Variants in ERC2 observed in about 807,000 individuals in gnomAD.
ERC2 encodes ERC protein 2.
ERC2 carries 42 observed loss-of-function variants against 114.8 expected under a neutral mutation model. That is an observed-to-expected ratio of 0.37 (90% confidence interval 0.29 to 0.47). The LOEUF (loss-of-function observed/expected upper bound fraction) is 0.47. ERC2 is among the 20% of genes least tolerant of loss of function. The pLI, the probability that ERC2 is intolerant of heterozygous loss-of-function variation, is 0.99. For synonymous variants in ERC2, 454 were observed against 425.5 expected, an observed-to-expected ratio of 1.07 and a Z score of -0.82; for missense variants, 939 against 1,150.7, an observed-to-expected ratio of 0.82 and a Z score of 2.66.
At position 56,392,560 on chromosome 3, in the gene ERC2, A is replaced by G. The variant is rs147741085; in HGVS notation, c.657+41791T>C. Among the ~76,000 whole-genome samples, 284 of 151,866 alleles carry G rather than the reference A, an allele frequency of 1.9e-3. 1 individual carries two copies. The highest frequency in any genetic ancestry group is 6.5e-3 in the African/African-American group (267 of 41,394). On this transcript the variant is annotated intron_variant, in intron 2 of 17. Coordinates refer to ENST00000288221, the MANE Select transcript of ERC2 (RefSeq NM_015576.3). ...GTACTGGAACTCATTAACTCTATCT[A>G]CTCCCTCCTTTGACCATTATACTAG...
chr3:55,958,424 G>T (rs1369832994), intron 12 of ERC2, among the ~76,000 whole-genome samples: 2 of 152,182 alleles, frequency 1.3e-5, no homozygotes, highest in African/African-American at 4.8e-5. Context: ...TTCTCACTCT[G>T]GGCTTCAGAC....
At position 55,760,491 on chromosome 3, in the gene ERC2, T is replaced by C. The variant is rs566732175; in HGVS notation, c.2565-25573A>G. Reference sequence around the variant, plus strand: ...AATAGACTAAGTAGTAAAAATTAGTTACATATTCCAGTTGCTGTTTAATGC... The same window carrying C: ...AATAGACTAAGTAGTAAAAATTAGTCACATATTCCAGTTGCTGTTTAATGC... On this transcript the variant is annotated intron_variant, in intron 14 of 17. Transcript: ENST00000288221. Among the ~76,000 whole-genome samples the C allele has an allele frequency of 1.3e-3, 204 of 152,344 alleles. No individual in the cohort carries two copies. The Middle Eastern group carries it at 0.017, about 13-fold the overall frequency.
At chr3:55,691,986 T>C (rs1378969380) in intron 16 of ERC2, among the ~76,000 whole-genome samples, 2 of 152,158 alleles carry the variant, frequency 1.3e-5, no homozygotes, top group Non-Finnish European at 2.9e-5. Context: ...GGATGCTATG[T>C]ATACATTTAT....
rs146423505 is a variant in ERC2, at chr3:56,038,526, G to A, written c.1642-19495C>T. ...CAACCATTGTGGAGGACAGTGTGGT[G>A]ATTCCTCAAAGACCTAGAACCAGAA... On this transcript the variant is annotated intron_variant, in intron 7 of 17. Transcript: ENST00000288221. Among the ~76,000 whole-genome samples, 1,251 of 152,270 alleles carry A rather than the reference G, an allele frequency of 8.2e-3. 9 individuals carry two copies. The highest frequency in any genetic ancestry group is 0.028 in the African/African-American group (1,181 of 41,540).
chr3:56,424,581 C>A (rs138394048), intron 2 of ERC2, among the ~76,000 whole-genome samples: 1 of 152,308 alleles, frequency 6.6e-6, no homozygotes, highest in Non-Finnish European at 1.5e-5. Flanking sequence ...TTCTAGCAAA[C>A]AAAGAAACCA....
At chr3:56,088,204 T>TCTG (rs1467192485) in intron 6 of ERC2, among the ~76,000 whole-genome samples, 1 of 152,172 alleles carries the variant, frequency 6.6e-6, no homozygotes, top group African/African-American at 2.4e-5. Flanking sequence ...GATCCTCAAG[T>TCTG]GACTGTGAGA....
rs144737225 is a variant in ERC2, at chr3:56,270,903, A to C, written c.1074+25116T>G. Among the ~76,000 whole-genome samples, 791 of 152,246 alleles carry C rather than the reference A, an allele frequency of 5.2e-3. 4 individuals carry two copies. Among genetic ancestry groups the C allele is most frequent in the African/African-American group, 0.018 (756 of 41,528 alleles). ...AGGCTGAGGCAGAAGAATGGCATGAACCCAGAAGGCAGAGCTTGCAGCGAG... is the reference window on the plus strand; with the variant it reads ...AGGCTGAGGCAGAAGAATGGCATGACCCCAGAAGGCAGAGCTTGCAGCGAG... On this transcript the variant is annotated intron_variant, in intron 3 of 17. Coordinates refer to ENST00000288221, the MANE Select transcript of ERC2 (RefSeq NM_015576.3).
chr3:55,550,631 A>C (rs2055100029), intron 17 of ERC2, among the ~76,000 whole-genome samples: 1 of 152,194 alleles, frequency 6.6e-6, no homozygotes, highest in East Asian at 1.9e-4. Context: ...TGAGATGGTC[A>C]GTGGCTTGTC....
intron 17 of ERC2, among the ~76,000 whole-genome samples, chr3:55,653,295 A>G (rs1342338516): frequency 3.3e-5 from 5 of 152,180 alleles, no homozygotes; most frequent in Non-Finnish European, 7.3e-5. Context: ...GTTCACTTTA[A>G]TTCTATTGCA....
At chr3:56,412,498 A>G (rs2060979333) in intron 2 of ERC2, among the ~76,000 whole-genome samples, 1 of 152,256 alleles carries the variant, frequency 6.6e-6, no homozygotes, top group Non-Finnish European at 1.5e-5. Flanking sequence ...TGTCAAGCAC[A>G]CAAGGGGTTT....
intron 14 of ERC2, among the ~76,000 whole-genome samples, chr3:55,777,481 G>A (rs931605161): frequency 4.6e-5 from 7 of 152,200 alleles, no homozygotes; most frequent in South Asian, 2.1e-4. Flanking sequence ...GTGGGCTGGC[G>A]GAAGGAGGGA....
chr3:56,249,388 CA>C (rs1240058220), intron 3 of ERC2, among the ~76,000 whole-genome samples: 1 of 151,882 alleles, frequency 6.6e-6, no homozygotes, highest in East Asian at 1.9e-4. Context: ...TGCAGTGGTG[CA>C]ATCTCAGCTC....
At chr3:56,273,603 GTAT>G (rs200418280) in intron 3 of ERC2, among the ~76,000 whole-genome samples, 83 of 128,464 alleles carry the variant, frequency 6.5e-4, no homozygotes, top group African/African-American at 2.1e-3. Flanking sequence ...CAAACAAACT[GTAT>G]TTTTTTTCTT....
intron 17 of ERC2, among the ~76,000 whole-genome samples, chr3:55,536,851 C>T (rs745856501): frequency 6.6e-6 from 1 of 152,184 alleles, no homozygotes; most frequent in South Asian, 2.1e-4. Flanking sequence ...CCCCGTCCTA[C>T]AGGAAGGGAC....
intron 14 of ERC2, among the ~76,000 whole-genome samples, chr3:55,843,516 G>T (rs565307146): frequency 4.6e-5 from 7 of 152,204 alleles, no homozygotes; most frequent in African/African-American, 9.6e-5. Flanking sequence ...ACCACCCAAT[G>T]GTGCAAGTTC....
intron 17 of ERC2, among the ~76,000 whole-genome samples, chr3:55,545,368 C>T (rs950088418): frequency 1.3e-5 from 2 of 152,186 alleles, no homozygotes; most frequent in South Asian, 2.1e-4. Flanking sequence ...TGGTAAGAAG[C>T]AGTGAGCCAC....
intron 6 of ERC2, among the ~76,000 whole-genome samples, chr3:56,095,629 A>T (rs1163612616): frequency 6.6e-6 from 1 of 152,230 alleles, no homozygotes; most frequent in Non-Finnish European, 1.5e-5. Flanking sequence ...GATTAAATGA[A>T]CACATTTGTC....
At chr3:55,601,192 T>C (rs1300653739) in intron 17 of ERC2, among the ~76,000 whole-genome samples, 2 of 152,168 alleles carry the variant, frequency 1.3e-5, no homozygotes, top group Non-Finnish European at 2.9e-5. Context: ...TCATCTGTTT[T>C]TTTCCAAAAA....
intron 2 of ERC2, among the ~76,000 whole-genome samples, chr3:56,380,661 T>C (rs2059714404): frequency 6.6e-6 from 1 of 152,186 alleles, no homozygotes; most frequent in Non-Finnish European, 1.5e-5. Context: ...CCAACTGCAA[T>C]TAAAAGCCAC....
Sources: gnomAD v4.1 joint callset for allele counts (sites outside exome capture counted in the v4.1 genomes callset) on GRCh38, gnomAD v4.1.1 for gene constraint, MANE v1.5 for transcripts, NCBI Gene and HGNC (gene_info 2026-07-23, HGNC 2026-07-21) for gene names.